Variants in PLXDC2 observed in about 807,000 individuals in gnomAD.
PLXDC2 encodes plexin domain-containing protein 2.
Under a neutral mutation model 68.9 loss-of-function variants are expected in PLXDC2, and 40 were observed. The observed-to-expected ratio is 0.58, with a 90% CI of 0.45 to 0.76. PLXDC2 has a LOEUF of 0.76. Ranked by LOEUF, PLXDC2 falls within the 30% of genes least tolerant of loss-of-function variation. The pLI is 0.00. For synonymous variants in PLXDC2, 243 were observed against 234.2 expected (o/e 1.04, Z -0.34); for missense variants, 644 against 661.9 (o/e 0.97, Z 0.30).
At chr10:20,019,108 C>A (rs1324068129) in intron 2 of PLXDC2, among the ~76,000 whole-genome samples, 1 of 151,982 alleles carries the variant, frequency 6.6e-6, no homozygotes, top group Non-Finnish European at 1.5e-5. Flanking sequence ...AGAGAGACAG[C>A]GTATCAATTT....
chr10:20,276,503 A>G (rs1256989835), intron 13 of PLXDC2, among the ~76,000 whole-genome samples: 2 of 152,186 alleles, frequency 1.3e-5, no homozygotes, highest in Non-Finnish European at 2.9e-5. Context: ...GAATATGATT[A>G]ATCACATAAA....
At chr10:20,025,425 G>T (rs1240959977) in intron 2 of PLXDC2, among the ~76,000 whole-genome samples, 2 of 151,616 alleles carry the variant, frequency 1.3e-5, no homozygotes, top group African/African-American at 4.9e-5. Context: ...ACCATGCCTG[G>T]CTAATTTTTT....
chr10:20,073,094 A>T (rs1249960283), intron 4 of PLXDC2, among the ~76,000 whole-genome samples: 1 of 152,148 alleles, frequency 6.6e-6, no homozygotes, highest in Non-Finnish European at 1.5e-5. Context: ...AACACAAAAG[A>T]TGCTTCTTTT....
At chr10:19,855,573 G>A (rs1269865363) in intron 1 of PLXDC2, among the ~76,000 whole-genome samples, 1 of 152,052 alleles carries the variant, frequency 6.6e-6, no homozygotes, top group African/African-American at 2.4e-5. Flanking sequence ...TGGAATATTT[G>A]CATTATACTT....
At chr10:19,844,629 T>A (rs1324823414) in intron 1 of PLXDC2, among the ~76,000 whole-genome samples, 1 of 151,980 alleles carries the variant, frequency 6.6e-6, no homozygotes, top group African/African-American at 2.4e-5. Flanking sequence ...GAGGTAGGGC[T>A]CTGTCGTCTG....
intron 2 of PLXDC2, among the ~76,000 whole-genome samples, chr10:20,042,296 C>G (rs1835696447): frequency 6.6e-6 from 1 of 152,094 alleles, no homozygotes; most frequent in Non-Finnish European, 1.5e-5. Flanking sequence ...CTTTTATTAA[C>G]TCTATTTCTG....
chr10:19,817,093 C>G lies in PLXDC2; in HGVS notation c.14C>G (p.Pro5Arg), dbSNP rs760347802. The stretch of plus-strand genomic sequence containing the variant: ...GGCGGCGGCGGCATGGCGAGGTTCC[C>G]GAAGGCCGACCTGGCCGCTGCAGGA... MARF[P>R]KADLAAAGVM... Residue 5 changes from proline to arginine, a missense_variant, in exon 1 of 14, where the codon CCG (proline) becomes CGG (arginine). Physicochemically the swap from Pro to Arg is moderately radical, Grantham distance 103. Coordinates refer to ENST00000377252, the MANE Select transcript of PLXDC2 (RefSeq NM_032812.9). 7.9e-5 allele frequency: 123 copies of G among 1,555,196 alleles called. No individual in the cohort carries two copies. The highest frequency in any genetic ancestry group is 8.9e-5 in the Non-Finnish European group (102 of 1,148,848).
rs1197885230 is a variant in PLXDC2 at position 19,816,761 on chromosome 10, G to C, written c.-319G>C. ...CGCGGGCACCGGGTTGGCGCTGCCCGAGTGGAACCGACAGTTTGCGAGCCT... is the reference window on the plus strand; with the variant it reads ...CGCGGGCACCGGGTTGGCGCTGCCCCAGTGGAACCGACAGTTTGCGAGCCT... On this transcript the variant is annotated 5_prime_UTR_variant, in exon 1 of 14. Coordinates refer to ENST00000377252, the MANE Select transcript of PLXDC2 (RefSeq NM_032812.9). 3 of 455,556 alleles carry C rather than the reference G, an allele frequency of 6.6e-6. No individual in the cohort carries two copies. The highest frequency in any genetic ancestry group is 1.2e-5 in the Non-Finnish European group (3 of 252,552). 28.2% of individuals were successfully genotyped at this position (455,556 alleles called of 1,614,324 possible).
At chr10:19,892,404 G>A (rs978970518) in intron 1 of PLXDC2, among the ~76,000 whole-genome samples, 1 of 152,160 alleles carries the variant, frequency 6.6e-6, no homozygotes, top group African/African-American at 2.4e-5. Context: ...TAACCACTAT[G>A]CCACACTACC....
rs10633613 is a variant in PLXDC2, at chr10:20,238,677, G to GTATATATATATATATATATA, written c.1313-6652_1313-6651insTATATATATATATATATATA. On this transcript the variant is annotated intron_variant, in intron 12 of 13. Coordinates refer to ENST00000377252, the MANE Select transcript of PLXDC2 (RefSeq NM_032812.9). ...TCTCAAAAAAAATATATATATATAT[G>GTATATATATATATATATATA]TATATATATATATATACACACATAT... Among the ~76,000 whole-genome samples, 266 of 76,524 alleles carry GTATATATATATATATATATA rather than the reference G, an allele frequency of 3.5e-3. 3 individuals carry two copies. Among genetic ancestry groups the GTATATATATATATATATATA allele is most frequent in the Non-Finnish European group, 4.6e-3 (164 of 35,832 alleles). The allele number at this position is 76,524 out of a possible 152,430, so 50.2% of individuals were successfully genotyped here.
intron 4 of PLXDC2, among the ~76,000 whole-genome samples, chr10:20,140,683 T>G (rs1833994812): frequency 6.6e-6 from 1 of 152,120 alleles, no homozygotes; most frequent in Non-Finnish European, 1.5e-5. Flanking sequence ...GAGAACTAGG[T>G]AAAGCCTATC....
intron 11 of PLXDC2, among the ~76,000 whole-genome samples, chr10:20,218,796 A>T (rs905810935): frequency 6.6e-6 from 1 of 152,162 alleles, no homozygotes; most frequent in African/African-American, 2.4e-5. Context: ...TTTAACTTTT[A>T]ATTATTACTG....
chr10:19,978,046 A>G (rs1834488089), intron 1 of PLXDC2, among the ~76,000 whole-genome samples: 1 of 151,954 alleles, frequency 6.6e-6, no homozygotes, highest in African/African-American at 2.4e-5. Context: ...TTCCTACCCT[A>G]CCTTCCCTAT....
At chr10:20,132,713 A>G (rs549316916) in intron 4 of PLXDC2, among the ~76,000 whole-genome samples, 3 of 151,936 alleles carry the variant, frequency 2.0e-5, no homozygotes, top group African/African-American at 7.2e-5. Context: ...CTTTCAGCAT[A>G]TGAGTGTCCT....
chr10:20,099,215 C>T (rs74688375), intron 4 of PLXDC2, among the ~76,000 whole-genome samples: 1 of 152,036 alleles, frequency 6.6e-6, no homozygotes. Context: ...TACTGAAGAG[C>T]ATGAAGGAAA....
At chr10:20,084,038 A>G (rs1040169228) in intron 4 of PLXDC2, among the ~76,000 whole-genome samples, 8 of 152,234 alleles carry the variant, frequency 5.3e-5, no homozygotes, top group Admixed American at 5.2e-4. Flanking sequence ...AACTAAAAAC[A>G]GATTCCCCAG....
intron 1 of PLXDC2, among the ~76,000 whole-genome samples, chr10:19,834,509 A>G (rs1198123484): frequency 1.3e-5 from 2 of 152,204 alleles, no homozygotes; most frequent in Non-Finnish European, 2.9e-5. Flanking sequence ...CTATCTGTAT[A>G]CCACCTATGC....
At chr10:20,077,667 T>C (rs1354465377) in intron 4 of PLXDC2, among the ~76,000 whole-genome samples, 2 of 152,170 alleles carry the variant, frequency 1.3e-5, no homozygotes, top group African/African-American at 4.8e-5. Flanking sequence ...ATTTTAAAAA[T>C]AAGCACAATT....
chr10:19,859,929 A>G (rs999924611), intron 1 of PLXDC2, among the ~76,000 whole-genome samples: 1 of 152,060 alleles, frequency 6.6e-6, no homozygotes, highest in Non-Finnish European at 1.5e-5. Context: ...ACGAGGTTTC[A>G]CCATGTTGTG....
Sources: allele counts gnomAD v4.1 joint callset (sites outside exome capture counted in the v4.1 genomes callset), GRCh38; gene constraint gnomAD v4.1.1; transcripts MANE v1.5; gene names NCBI Gene and HGNC (gene_info 2026-07-23, HGNC 2026-07-21).